ABL2: variants seen among roughly 807,000 people sequenced by gnomAD.
The protein encoded by ABL2 is tyrosine-protein kinase ABL2.
A neutral mutation model predicts 107.7 loss-of-function variants in ABL2; 49 were observed. That is an observed-to-expected ratio of 0.45 (90% CI 0.36 to 0.58). The LOEUF (loss-of-function observed/expected upper bound fraction) is 0.58, where lower values mean the gene tolerates loss of function less well. Among genes scored for constraint, ABL2 ranks in the 20% least tolerant of loss-of-function variants. The pLI, the probability that ABL2 is intolerant of heterozygous loss-of-function variation, is 0.00. For missense variants in ABL2, 1,245 were observed against 1,457.0 expected (o/e 0.85, Z 2.37); for synonymous variants, 549 against 548.6 (o/e 1.00, Z -0.01).
At chr1:179,181,378 T>G (rs1364776693) in intron 1 of ABL2, among the ~76,000 whole-genome samples, 2 of 152,196 alleles carry the variant, frequency 1.3e-5, no homozygotes, top group African/African-American at 4.8e-5. Flanking sequence ...AGTTACTAAC[T>G]TTCAGAAAAC....
intron 1 of ABL2, among the ~76,000 whole-genome samples, chr1:179,217,820 C>T (rs1373763629): frequency 6.6e-6 from 1 of 152,080 alleles, no homozygotes; most frequent in Non-Finnish European, 1.5e-5. Flanking sequence ...GTCTGAAAAC[C>T]TCATCACTGG....
At chr1:179,131,214 G>C in intron 3 of ABL2, 97 bp downstream of exon 3, 3 of 1,373,736 alleles carry the variant, frequency 2.2e-6, no homozygotes, top group Non-Finnish European at 3.0e-6. Context: ...AAAGTGCTGA[G>C]ATTATAGGTG....
At chr1:179,132,123 C>T (rs1489612818) in intron 2 of ABL2, among the ~76,000 whole-genome samples, 1 of 152,152 alleles carries the variant, frequency 6.6e-6, no homozygotes, top group East Asian at 1.9e-4. Context: ...AGAAATGTGG[C>T]CGCACCCGGC....
chr1:179,129,032 C>G (rs1463632790), intron 3 of ABL2, among the ~76,000 whole-genome samples: 1 of 151,948 alleles, frequency 6.6e-6, no homozygotes, highest in Non-Finnish European at 1.5e-5. Flanking sequence ...CATTTTCAAT[C>G]AAAAACTAAA....
intron 1 of ABL2, among the ~76,000 whole-genome samples, chr1:179,220,282 A>T (rs1662799754): frequency 6.6e-6 from 1 of 152,258 alleles, no homozygotes; most frequent in African/African-American, 2.4e-5. Flanking sequence ...AAGACATAAA[A>T]GGTCTTCTTC....
intron 1 of ABL2, among the ~76,000 whole-genome samples, chr1:179,142,176 C>T (rs1446396360): frequency 6.6e-6 from 1 of 152,138 alleles, no homozygotes; most frequent in Non-Finnish European, 1.5e-5. Flanking sequence ...TTATTCACTG[C>T]TATAGAGGTA....
chr1:179,111,033 G>T (rs919043408), intron 10 of ABL2, among the ~76,000 whole-genome samples: 1 of 147,168 alleles, frequency 6.8e-6, no homozygotes, highest in South Asian at 2.2e-4. Flanking sequence ...GCCCAGGCTG[G>T]AGTGCAATGG....
At chr1:179,174,532 G>GTA (rs879282393) in intron 1 of ABL2, among the ~76,000 whole-genome samples, 1 of 151,912 alleles carries the variant, frequency 6.6e-6, no homozygotes, top group Non-Finnish European at 1.5e-5. Context: ...ATATATATAT[G>GTA]TGTGTGTATA....
chr1:179,109,222 T>G lies in ABL2; in HGVS notation c.2045A>C (p.Lys682Thr). 3 of 1,614,058 alleles carry G rather than the reference T, an allele frequency of 1.9e-6. No individual in the cohort carries two copies. Among genetic ancestry groups the G allele is most frequent in the Non-Finnish European group, 2.5e-6 (3 of 1,180,010 alleles). ...TGAGAAGTTACCCGTGAGTTCGTAT[T>G]TCTTATGGGGCTGATTCTCCATTTC... ...FREMENQPHK[K>T]YELTGNFSSV... is the part of the protein sequence containing the mutation. Residue 682 changes from lysine (K) to threonine (T), a missense_variant, in exon 12 of 12, where the codon AAA becomes ACA. Lys to Thr is a moderately conservative substitution (Grantham distance 78). This residue lies in a region of ABL2 where 761 missense variants were observed against 766.4 expected (regional missense o/e 0.99). Coordinates refer to ENST00000502732, the MANE Select transcript of ABL2 (RefSeq NM_007314.4).
chr1:179,163,704 G>A (rs992979607), intron 1 of ABL2, among the ~76,000 whole-genome samples: 2 of 151,994 alleles, frequency 1.3e-5, no homozygotes, highest in African/African-American at 4.8e-5. Context: ...CTGTGATCGC[G>A]CCACCGCACT....
intron 1 of ABL2, among the ~76,000 whole-genome samples, chr1:179,181,441 A>T (rs1660367441): frequency 6.6e-6 from 1 of 152,218 alleles, no homozygotes; most frequent in African/African-American, 2.4e-5. Flanking sequence ...ATGGGATCTG[A>T]GTCCTAAATA....
chr1:179,228,794 G>A (rs531303464), intron 1 of ABL2, among the ~76,000 whole-genome samples: 77 of 152,250 alleles, frequency 5.1e-4, no homozygotes, highest in Admixed American at 1.7e-3. Flanking sequence ...CACATACCTT[G>A]TACTCCACAA....
At chr1:179,207,329 T>C (rs1292719725) in intron 1 of ABL2, among the ~76,000 whole-genome samples, 5 of 152,128 alleles carry the variant, frequency 3.3e-5, no homozygotes, top group Admixed American at 3.3e-4. Context: ...ATGTTAGCAT[T>C]AAAACGACAA....
intron 1 of ABL2, chr1:179,220,970 T>C (rs1165552988): frequency 5.1e-6 from 1 of 196,000 alleles, no homozygotes; most frequent in African/African-American, 2.3e-5. Flanking sequence ...TGACAGAATA[T>C]GTAGACTGGA....
chr1:179,229,449 C>G lies in ABL2; in HGVS notation c.-52G>C. The G allele has an allele frequency of 6.9e-7, 1 of 1,446,948 alleles. No homozygotes were observed. The highest frequency in any genetic ancestry group is 9.0e-7 in the Non-Finnish European group (1 of 1,109,990). The allele number at this position is 1,446,948 out of a possible 1,614,324, so 89.6% of individuals were successfully genotyped here. On this transcript the variant is annotated 5_prime_UTR_variant, in exon 1 of 12. Coordinates refer to ENST00000502732, the MANE Select transcript of ABL2 (RefSeq NM_007314.4). ...CCGCCGACCCCTGGTCACATTCCTC[C>G]TCGGCTCCGGCCTCGGGCTCCTGGC...
chr1:179,203,187 T>C (rs1030270039), intron 1 of ABL2, among the ~76,000 whole-genome samples: 1 of 152,218 alleles, frequency 6.6e-6, no homozygotes, highest in African/African-American at 2.4e-5. Context: ...AAAGGAAGAA[T>C]GTAGTATATA....
intron 3 of ABL2, among the ~76,000 whole-genome samples, chr1:179,127,806 C>T (rs561953417): frequency 9.9e-5 from 15 of 151,860 alleles, no homozygotes; most frequent in Admixed American, 8.5e-4. Flanking sequence ...CTGAGAGGGG[C>T]GGATCACCTA....
chr1:179,136,682 C>T (rs1657025252), intron 1 of ABL2, among the ~76,000 whole-genome samples: 2 of 140,536 alleles, frequency 1.4e-5, no homozygotes, highest in South Asian at 2.2e-4. Context: ...TCCCCCTCTG[C>T]GAGAAACACC....
At chr1:179,114,363 ACGTC>A in intron 9 of ABL2, among the ~76,000 whole-genome samples, 1 of 19,960 alleles carries the variant, frequency 5.0e-5, no homozygotes, top group East Asian at 8.4e-4. Flanking sequence ...AGCCGAAATC[ACGTC>A]ACTGAGCCGA....
Sources: allele counts gnomAD v4.1 joint callset (sites outside exome capture counted in the v4.1 genomes callset), GRCh38; gene constraint gnomAD v4.1.1; regional missense constraint gnomAD v4.1.1; transcripts MANE v1.5; gene names NCBI Gene and HGNC (gene_info 2026-07-23, HGNC 2026-07-21).